The following TJP1 variants were observed in gnomAD, a reference collection of about 807,000 sequenced individuals.
TJP1 encodes tight junction protein 1, also known as tight junction protein ZO-1.
In TJP1, 43 loss-of-function variants were observed where a neutral mutation model predicts 194.2. The observed-to-expected ratio is 0.22, with a 90% confidence interval of 0.17 to 0.29. The LOEUF is 0.29. TJP1 is among the 10% of genes least tolerant of loss of function. The pLI is 1.00. For synonymous variants in TJP1, 801 were observed against 779.0 expected (o/e 1.03, Z -0.47); for missense variants, 1,971 against 2,185.7 (o/e 0.90, Z 1.96).
At chr15:29,704,105 G>A (rs2041733733) in intron 27 of TJP1, 57 bp downstream of exon 27, 1 of 1,522,594 alleles carries the variant, frequency 6.6e-7, no homozygotes, top group African/African-American at 1.4e-5. Context: ...CATCAGCCCA[G>A]GTATTAATCA....
chr15:29,842,086 C>G (rs2051245555), intron 2 of TJP1, among the ~76,000 whole-genome samples: 1 of 152,110 alleles, frequency 6.6e-6, no homozygotes, highest in Admixed American at 6.5e-5. Context: ...CTTCCAGATA[C>G]AGTAAGTCCT....
At chr15:29,793,775 G>A (rs947798226) in intron 2 of TJP1, among the ~76,000 whole-genome samples, 1 of 152,194 alleles carries the variant, frequency 6.6e-6, no homozygotes, top group African/African-American at 2.4e-5. Context: ...ACAATTAAAT[G>A]TAAGATTTGG....
intron 2 of TJP1, among the ~76,000 whole-genome samples, chr15:29,896,195 G>A (rs1248757724): frequency 6.6e-6 from 1 of 152,200 alleles, no homozygotes; most frequent in East Asian, 1.9e-4. Context: ...CAGTTCCCAT[G>A]TGTCATAGGA....
chr15:29,948,959 C>A (rs1247792010), intron 2 of TJP1, among the ~76,000 whole-genome samples: 2 of 150,954 alleles, frequency 1.3e-5, no homozygotes, highest in South Asian at 2.1e-4. Flanking sequence ...ACCACCACCA[C>A]CCCCTCCACC....
Position 29,783,113 on chromosome 15 carries a change from A to G in TJP1, c.85-9756T>C, listed in dbSNP as rs145033335. On this transcript the variant is annotated intron_variant, in intron 2 of 27. Transcript: ENST00000614355. ...ACATGGGGAAGCCCCATCTCTACTAAAAGTACAAAAATTAGCCAGGCGTGG... is the reference window on the plus strand; with the variant it reads ...ACATGGGGAAGCCCCATCTCTACTAGAAGTACAAAAATTAGCCAGGCGTGG... 4.0e-3 allele frequency among the ~76,000 whole-genome samples: 607 copies of G among 152,138 alleles called. 16 individuals carry two copies. The East Asian group carries it at 0.076, about 19-fold the overall frequency.
At chr15:29,770,255 T>A (rs1459260508) in intron 4 of TJP1, among the ~76,000 whole-genome samples, 1 of 152,016 alleles carries the variant, frequency 6.6e-6, no homozygotes, top group Non-Finnish European at 1.5e-5. Context: ...AATACCAGCC[T>A]GGCTAACATG....
chr15:29,903,005 T>G (rs2053681762), intron 2 of TJP1, among the ~76,000 whole-genome samples: 1 of 152,034 alleles, frequency 6.6e-6, no homozygotes, highest in South Asian at 2.1e-4. Context: ...ATCTTTTCTA[T>G]CTAATATGCC....
rs564362991 is a variant in TJP1, at chr15:29,863,111, A to G, written c.307-62409T>C. Among the ~76,000 whole-genome samples the G allele has an allele frequency of 7.9e-5, 12 of 151,592 alleles. No homozygotes were observed. The South Asian group carries it at 2.5e-3, about 32-fold the overall frequency. ...GGAGTTCGAGACCAGCCTGGCCAAC[A>G]TGGTGAAACCCCCATCTGTACTAAA... On this transcript the variant is annotated intron_variant, in intron 2 of 28. Coordinates refer to the TJP1 transcript ENST00000356107.
At chr15:29,713,429 G>A (rs558382088) in intron 23 of TJP1, among the ~76,000 whole-genome samples, 15 of 152,240 alleles carry the variant, frequency 9.9e-5, no homozygotes, top group African/African-American at 3.1e-4. Context: ...TTGCTTCCTG[G>A]GGCATCTGTC....
chr15:29,920,671 A>C (rs555376981), intron 2 of TJP1, among the ~76,000 whole-genome samples: 1 of 152,092 alleles, frequency 6.6e-6, no homozygotes, highest in African/African-American at 2.4e-5. Flanking sequence ...GAGTGGGAGG[A>C]GCGGCCACTG....
intron 2 of TJP1, among the ~76,000 whole-genome samples, chr15:29,940,708 G>A (rs916502294): frequency 6.6e-6 from 1 of 152,170 alleles, no homozygotes; most frequent in Non-Finnish European, 1.5e-5. Context: ...GATCATCTCT[G>A]AAAAGCTGAA....
Position 29,711,748 on chromosome 15 carries a change from C to T in TJP1, c.4203-748G>A, listed in dbSNP as rs45536839. The stretch of plus-strand genomic sequence containing the variant: ...ACAGATGTCACAGACTAGGGGTTGG[C>T]AAACTTTTTCACTGAAACACCAGAG... On this transcript the variant is annotated intron_variant, in intron 23 of 27. Coordinates refer to ENST00000614355, the MANE Select transcript of TJP1 (RefSeq NM_001330239.4). Among the ~76,000 whole-genome samples, 46 of 152,282 alleles carry T rather than the reference C, an allele frequency of 3.0e-4. No homozygotes were observed. In the East Asian group the frequency reaches 8.5e-3, roughly 28 times the overall value.
intron 8 of TJP1, among the ~76,000 whole-genome samples, chr15:29,757,686 G>C (rs1045252392): frequency 2.0e-5 from 3 of 152,150 alleles, no homozygotes; most frequent in African/African-American, 4.8e-5. Flanking sequence ...AATATGAAAA[G>C]AACCTGAAGA....
intron 27 of TJP1, among the ~76,000 whole-genome samples, chr15:29,702,047 T>G (rs1413465376): frequency 2.6e-5 from 4 of 152,178 alleles, no homozygotes; most frequent in Non-Finnish European, 5.9e-5. Context: ...ATCTTATGCC[T>G]GGGACAGTCC....
chr15:29,710,108 T>A (rs921491023), intron 24 of TJP1, among the ~76,000 whole-genome samples: 6 of 151,406 alleles, frequency 4.0e-5, no homozygotes, highest in Admixed American at 3.9e-4. Context: ...ACTGCGCCAC[T>A]GCACTGTAGC....
At chr15:29,782,894 CAA>C (rs34832565) in intron 2 of TJP1, among the ~76,000 whole-genome samples, 916 of 80,704 alleles carry the variant, frequency 0.011, 9 homozygotes, top group African/African-American at 0.033. Flanking sequence ...AGACACTTTT[CAA>C]AAAAAAAAAA....
chr15:29,705,436 G>T, intron 26 of TJP1, 92 bp downstream of exon 26: 2 of 1,286,486 alleles, frequency 1.6e-6, no homozygotes, highest in Non-Finnish European at 2.2e-6. Flanking sequence ...ATAGAGAGGT[G>T]CTGCATTATT....
chr15:29,791,847 G>T (rs1012807826), intron 2 of TJP1, among the ~76,000 whole-genome samples: 23 of 151,972 alleles, frequency 1.5e-4, no homozygotes, highest in Non-Finnish European at 5.9e-5. Context: ...TTATACTTTC[G>T]ATTAGTATTT....
At chr15:29,941,831 T>A (rs1274318633) in intron 2 of TJP1, among the ~76,000 whole-genome samples, 1 of 151,998 alleles carries the variant, frequency 6.6e-6, no homozygotes, top group South Asian at 2.1e-4. Context: ...CATGCGTGTA[T>A]GTGTTTGCAT....
Sources: gnomAD v4.1 joint callset for allele counts (sites outside exome capture counted in the v4.1 genomes callset) on GRCh38, gnomAD v4.1.1 for gene constraint, MANE v1.5 for transcripts, NCBI Gene and HGNC (gene_info 2026-07-23, HGNC 2026-07-21) for gene names.